NFIA: variants seen among roughly 807,000 people sequenced by gnomAD.
The protein encoded by NFIA is nuclear factor I A.
A neutral mutation model predicts 62.8 loss-of-function variants in NFIA; 8 were observed. The ratio of observed to expected loss-of-function variants is 0.13; its 90% CI spans 0.07 to 0.23. The LOEUF is 0.23. Among genes scored for constraint, NFIA ranks in the 10% least tolerant of loss-of-function variants. The pLI is 1.00. For missense variants in NFIA, 410 were observed against 642.1 expected (o/e 0.64, Z 3.91); for synonymous variants, 235 against 238.1 (o/e 0.99, Z 0.12).
intron 2 of NFIA, among the ~76,000 whole-genome samples, chr1:61,219,755 A>G (rs1653901458): frequency 6.6e-6 from 1 of 151,008 alleles, no homozygotes; most frequent in Non-Finnish European, 1.5e-5. Context: ...CACGAGGTCA[A>G]AAGATCAAGA....
At chr1:61,170,922 AG>A (rs1220032166) in intron 2 of NFIA, among the ~76,000 whole-genome samples, 1 of 151,838 alleles carries the variant, frequency 6.6e-6, no homozygotes, top group African/African-American at 2.4e-5. Context: ...TAAAAAAAAA[AG>A]AGACATTCTT....
chr1:61,216,234 T>G (rs2100610320), intron 2 of NFIA, among the ~76,000 whole-genome samples: 1 of 152,344 alleles, frequency 6.6e-6, no homozygotes, highest in South Asian at 2.1e-4. Context: ...AATCGTCCAG[T>G]GCTATCATCA....
intron 3 of NFIA, among the ~76,000 whole-genome samples, chr1:61,312,196 A>G (rs1341958262): frequency 6.6e-6 from 1 of 152,244 alleles, no homozygotes; most frequent in Non-Finnish European, 1.5e-5. Flanking sequence ...CAGTTGCAGC[A>G]CAGTTGGCCT....
In NFIA at chr1:61,129,413, T is replaced by C. The variant is rs141141990; in HGVS notation, c.559+40733T>C. Among the ~76,000 whole-genome samples the C allele has an allele frequency of 3.0e-4, 45 of 151,552 alleles. No individual in the cohort carries two copies. In the East Asian group the frequency reaches 8.6e-3, roughly 29 times the overall value. On this transcript the variant is annotated intron_variant, in intron 2 of 10. Coordinates refer to ENST00000403491, the MANE Select transcript of NFIA (RefSeq NM_001134673.4). ...ATGGTTTCTGTGCAACTGAAACATA[T>C]GCACAGAATGACAATAGTCGTGATA...
At chr1:61,261,249 C>T (rs79218920) in intron 2 of NFIA, among the ~76,000 whole-genome samples, 7,338 of 152,204 alleles carry the variant, frequency 0.048, 592 homozygotes, top group African/African-American at 0.16. Flanking sequence ...AAGCTTTTCC[C>T]CTCTGTTGCA....
In NFIA at chr1:61,116,596, C is replaced by A. The variant is rs117587855; in HGVS notation, c.559+27916C>A. ...AAGTTGTTTTCTGTGTGCATCCCAC[C>A]CAAATAAAGAATGTTTCATCAGCAA... On this transcript the variant is annotated intron_variant, in intron 2 of 10. Transcript: ENST00000403491. Among the ~76,000 whole-genome samples, 4 of 151,918 alleles carry A rather than the reference C, an allele frequency of 2.6e-5. No homozygotes were observed. The East Asian group carries it at 7.7e-4, about 29-fold the overall frequency.
chr1:61,369,028 G>A (rs545060117), intron 6 of NFIA, among the ~76,000 whole-genome samples: 3 of 152,258 alleles, frequency 2.0e-5, no homozygotes, highest in Admixed American at 6.5e-5. Flanking sequence ...TTTATTCAGC[G>A]GCTTAGACCA....
At chr1:61,276,086 T>G (rs997688288) in intron 2 of NFIA, among the ~76,000 whole-genome samples, 1 of 152,184 alleles carries the variant, frequency 6.6e-6, no homozygotes, top group Non-Finnish European at 1.5e-5. Context: ...TTTGCCAGAC[T>G]CAAATAAAAA....
chr1:61,079,661 A>C (rs1045318950), upstream of NFIA, among the ~76,000 whole-genome samples: 1 of 152,160 alleles, frequency 6.6e-6, no homozygotes, highest in Non-Finnish European at 1.5e-5. Context: ...ATTGCAGTGA[A>C]CTAGTTTCCA....
At chr1:61,340,903 A>G (rs192693297) in intron 4 of NFIA, among the ~76,000 whole-genome samples, 3 of 152,014 alleles carry the variant, frequency 2.0e-5, no homozygotes, top group East Asian at 1.9e-4. Flanking sequence ...TTTTTCCTCA[A>G]ATTTTCAGCC....
chr1:61,425,516 T>C lies in NFIA; in HGVS notation c.1421-949T>C, dbSNP rs375758972. Among the ~76,000 whole-genome samples the C allele has an allele frequency of 4.9e-4, 74 of 152,336 alleles. No individual in the cohort carries two copies. In the East Asian group the frequency reaches 0.011, roughly 23 times the overall value. ...GCCTTTTTAATTATTGTTAAGACAT[T>C]TGAAATTTTTAAGTAACAGTCTAAA... On this transcript the variant is annotated intron_variant, in intron 9 of 10. Transcript: ENST00000403491.
At chr1:61,129,621 G>A (rs932050077) in intron 2 of NFIA, among the ~76,000 whole-genome samples, 1 of 151,626 alleles carries the variant, frequency 6.6e-6, no homozygotes, top group Non-Finnish European at 1.5e-5. Context: ...GGTAATTTTT[G>A]TATTTTTAGT....
chr1:61,145,545 G>A, intron 2 of NFIA, among the ~76,000 whole-genome samples: 1 of 152,154 alleles, frequency 6.6e-6, no homozygotes, highest in East Asian at 1.9e-4. Context: ...ATATAGCAGT[G>A]AATGAATGGG....
chr1:61,351,750 C>A (rs1662558033), intron 4 of NFIA, among the ~76,000 whole-genome samples: 1 of 152,022 alleles, frequency 6.6e-6, no homozygotes, highest in East Asian at 1.9e-4. Flanking sequence ...TATAAGAGGC[C>A]AGCTAATAAA....
At chr1:61,369,128 G>A (rs142916667) in intron 6 of NFIA, among the ~76,000 whole-genome samples, 25 of 152,276 alleles carry the variant, frequency 1.6e-4, no homozygotes, top group African/African-American at 3.4e-4. Context: ...CGTTTCCTTC[G>A]TTTCGTAATA....
At chr1:61,286,927 GC>G (rs1009690371) in intron 3 of NFIA, among the ~76,000 whole-genome samples, 8 of 152,150 alleles carry the variant, frequency 5.3e-5, no homozygotes. Context: ...AAATATAACA[GC>G]CCTGAGACAT....
In NFIA at chr1:61,383,262, G is replaced by A. The variant is rs777853182; in HGVS notation, c.972G>A (p.Lys324=). The A allele has an allele frequency of 1.2e-6, 2 of 1,613,864 alleles. No individual in the cohort carries two copies. Among genetic ancestry groups the A allele is most frequent in the Non-Finnish European group, 1.7e-6 (2 of 1,179,920 alleles). Reference sequence around the variant, plus strand: ...GAATGCCATCTCCAACCACACTGAAGAAGTCGGAGAAGTCTGGTTTCAGCA... The same window carrying A: ...GAATGCCATCTCCAACCACACTGAAAAAGTCGGAGAAGTCTGGTTTCAGCA... ...EPGMPSPTTL[K]KSEKSGFSSP... is the part of the protein sequence containing the mutation. Residue 324 remains lysine (K), a synonymous_variant, in exon 7 of 11, where the codon AAG becomes AAA. Coordinates refer to ENST00000403491, the MANE Select transcript of NFIA (RefSeq NM_001134673.4).
At chr1:61,334,555 G>GTGTGTGTATA (rs1470465999) in intron 4 of NFIA, among the ~76,000 whole-genome samples, 1 of 97,500 alleles carries the variant, frequency 1.0e-5, no homozygotes, top group African/African-American at 3.8e-5. Context: ...GTGTGTGTGT[G>GTGTGTGTATA]TATATATATA....
chr1:61,328,232 G>A (rs978661881), intron 3 of NFIA, among the ~76,000 whole-genome samples: 2 of 151,878 alleles, frequency 1.3e-5, no homozygotes, highest in African/African-American at 4.8e-5. Flanking sequence ...ATTTGTCTCA[G>A]TGTCTCCAAC....
Sources: gnomAD v4.1 joint callset for allele counts (sites outside exome capture counted in the v4.1 genomes callset) on GRCh38, gnomAD v4.1.1 for gene constraint, MANE v1.5 for transcripts, NCBI Gene and HGNC (gene_info 2026-07-23, HGNC 2026-07-21) for gene names.